Variants in GUCY1A1 observed in about 807,000 individuals in gnomAD.
GUCY1A1 encodes guanylate cyclase 1 soluble subunit alpha 1, also known as guanylate cyclase soluble subunit alpha-1.
In GUCY1A1, 48 loss-of-function variants were observed where a neutral mutation model predicts 64.5. The ratio of observed to expected loss-of-function variants is 0.74; its 90% CI spans 0.59 to 0.95. GUCY1A1 has a LOEUF of 0.95. Ranked by LOEUF, GUCY1A1 falls within the 40% of genes least tolerant of loss-of-function variation. The pLI, the probability that GUCY1A1 is intolerant of heterozygous loss-of-function variation, is 0.00. For missense variants in GUCY1A1, 804 were observed against 825.3 expected (o/e 0.97, Z 0.32); for synonymous variants, 308 against 303.4 (o/e 1.02, Z -0.16).
In GUCY1A1 at chr4:155,710,723, G is replaced by C. The variant is rs1732450557; in HGVS notation, c.558G>C (p.Glu186Asp). Residue 186 changes from glutamate to aspartate, a missense_variant, in exon 6 of 10, where the codon GAG becomes GAC. Glu to Asp is a conservative substitution (Grantham distance 45). Coordinates refer to ENST00000506455, the MANE Select transcript of GUCY1A1 (RefSeq NM_001130682.3). Reference protein sequence around the residue: ...CQEAGKRGRLEDASILCLDKE... With the variant: ...CQEAGKRGRLDDASILCLDKE... ...AAGCAGGAAAAAGGGGCAGGCTTGA[G>C]GACGCCTCCATTCTATGCCTGGATA... 1 of 1,614,100 alleles carries C rather than the reference G, an allele frequency of 6.2e-7. No individual in the cohort carries two copies. The highest frequency in any genetic ancestry group is 8.5e-7 in the Non-Finnish European group (1 of 1,180,012).
intron 2 of GUCY1A1, among the ~76,000 whole-genome samples, chr4:155,671,915 G>A (rs1734193566): frequency 6.6e-6 from 1 of 151,962 alleles, no homozygotes; most frequent in Non-Finnish European, 1.5e-5. Context: ...ATTAAAGTGT[G>A]ATCCCCAGAG....
chr4:155,701,510 G>A (rs1731079598), intron 3 of GUCY1A1, among the ~76,000 whole-genome samples: 1 of 152,150 alleles, frequency 6.6e-6, no homozygotes, highest in African/African-American at 2.4e-5. Context: ...GACTAAAAAG[G>A]TAAAAGAGTA....
At chr4:155,721,261 C>G (rs1733925446) in intron 8 of GUCY1A1, among the ~76,000 whole-genome samples, 1 of 152,054 alleles carries the variant, frequency 6.6e-6, no homozygotes, top group Admixed American at 6.6e-5. Flanking sequence ...AAGACTCTGT[C>G]TCTAAAAAAT....
rs142097871 is a variant in GUCY1A1, at chr4:155,708,267, A to G, written c.349A>G (p.Thr117Ala). ...KSLEREDFEK[T>A]IAEQAVAAGV... ...TTTGGAAAGAGAAGACTTTGAAAAA[A>G]CAATTGCAGAGCAAGCAGTTGCAGC... is the stretch of plus-strand genomic sequence containing the variant. The change falls in exon 5 of 10, where the codon ACA (threonine) becomes GCA (alanine). Residue 117 changes from threonine to alanine, a missense_variant. By Grantham distance (58) the Thr-to-Ala change is moderately conservative. Coordinates refer to ENST00000506455, the MANE Select transcript of GUCY1A1 (RefSeq NM_001130682.3). 3 of 1,556,976 alleles carry G rather than the reference A, an allele frequency of 1.9e-6. No homozygotes were observed. The highest frequency in any genetic ancestry group is 2.7e-5 in the African/African-American group (2 of 73,784).
intron 2 of GUCY1A1, among the ~76,000 whole-genome samples, chr4:155,696,161 G>A (rs76967084): frequency 0.012 from 1,801 of 152,126 alleles, 42 homozygotes; most frequent in African/African-American, 0.042. Context: ...TTTTTAAATT[G>A]CTTTACCATT....
At chr4:155,716,669 A>G (rs950749678) in intron 7 of GUCY1A1, among the ~76,000 whole-genome samples, 1 of 152,092 alleles carries the variant, frequency 6.6e-6, no homozygotes, top group East Asian at 1.9e-4. Context: ...CTTTACTCTT[A>G]TGACTATTAA....
chr4:155,705,208 T>A (rs76079228), intron 4 of GUCY1A1, among the ~76,000 whole-genome samples: 5,657 of 152,338 alleles, frequency 0.037, 136 homozygotes, highest in Middle Eastern at 0.071. Context: ...TTACATTTTT[T>A]AAATCTGATT....
At chr4:155,719,294 C>A (rs1374542623) in intron 8 of GUCY1A1, among the ~76,000 whole-genome samples, 1 of 152,106 alleles carries the variant, frequency 6.6e-6, no homozygotes, top group Non-Finnish European at 1.5e-5. Flanking sequence ...TATCTGACGT[C>A]CCTAAAAGAT....
At chr4:155,703,848 T>C (rs1731399654) in intron 3 of GUCY1A1, 84 bp from the exon 4 acceptor site, 1 of 801,164 alleles carries the variant, frequency 1.2e-6, no homozygotes, top group Non-Finnish European at 2.1e-6. Flanking sequence ...CGAAAATAAA[T>C]CTTCAGGATG....
intron 2 of GUCY1A1, 66 bp from the exon 3 acceptor site, chr4:155,696,690 C>T: frequency 1.9e-6 from 1 of 530,674 alleles, no homozygotes. Context: ...GCTCACCTGT[C>T]TTTTTCTGTT....
chr4:155,715,856 A>C (rs1733163833), intron 7 of GUCY1A1, among the ~76,000 whole-genome samples: 1 of 152,016 alleles, frequency 6.6e-6, no homozygotes, highest in African/African-American at 2.4e-5. Context: ...GACAATAAAC[A>C]AATGAGTAAA....
chr4:155,727,957 T>C (rs1486638776), intron 9 of GUCY1A1, among the ~76,000 whole-genome samples: 1 of 151,830 alleles, frequency 6.6e-6, no homozygotes, highest in African/African-American at 2.4e-5. Flanking sequence ...TCTCCACAAC[T>C]CATCAATAAG....
intron 2 of GUCY1A1, among the ~76,000 whole-genome samples, chr4:155,687,486 T>G (rs577970704): frequency 6.6e-6 from 1 of 152,336 alleles, no homozygotes; most frequent in South Asian, 2.1e-4. Context: ...ATTTTATGTG[T>G]GAAATAACAG....
chr4:155,699,044 A>T (rs1730762529), intron 3 of GUCY1A1, among the ~76,000 whole-genome samples: 1 of 151,550 alleles, frequency 6.6e-6, no homozygotes, highest in African/African-American at 2.4e-5. Context: ...ATTGTTCTTC[A>T]TTTCTTTAGG....
chr4:155,727,770 A>AAAAAAT, intron 9 of GUCY1A1, among the ~76,000 whole-genome samples: 1 of 151,702 alleles, frequency 6.6e-6, no homozygotes, highest in Non-Finnish European at 1.5e-5. Context: ...TGTTTTATAA[A>AAAAAAT]AAAATAAAAT....
intron 2 of GUCY1A1, among the ~76,000 whole-genome samples, chr4:155,689,506 C>A (rs1359098452): frequency 6.6e-6 from 1 of 151,770 alleles, no homozygotes; most frequent in South Asian, 2.1e-4. Flanking sequence ...ATTTATAATC[C>A]CAAAGGTTTT....
chr4:155,728,709 T>C (rs2110738882), intron 9 of GUCY1A1, among the ~76,000 whole-genome samples: 1 of 151,978 alleles, frequency 6.6e-6, no homozygotes, highest in Non-Finnish European at 1.5e-5. Flanking sequence ...GTTACCAATA[T>C]GATAGGTGTG....
intron 9 of GUCY1A1, among the ~76,000 whole-genome samples, chr4:155,729,465 G>A (rs1340040659): frequency 6.6e-6 from 1 of 151,822 alleles, no homozygotes; most frequent in African/African-American, 2.4e-5. Context: ...AAGTAGAGTG[G>A]TGATATGTAC....
chr4:155,698,899 C>G (rs931344377), intron 3 of GUCY1A1, among the ~76,000 whole-genome samples: 1 of 152,040 alleles, frequency 6.6e-6, no homozygotes, highest in Non-Finnish European at 1.5e-5. Flanking sequence ...TTACTTGGCT[C>G]TATTTTTGTG....
Sources: allele counts gnomAD v4.1 joint callset (sites outside exome capture counted in the v4.1 genomes callset), GRCh38; gene constraint gnomAD v4.1.1; transcripts MANE v1.5; gene names NCBI Gene and HGNC (gene_info 2026-07-23, HGNC 2026-07-21).